The following CTNNBL1 variants were observed in gnomAD, a reference collection of about 807,000 sequenced individuals.
The protein encoded by CTNNBL1 is catenin beta like 1, also known as beta-catenin-like protein 1.
CTNNBL1 carries 31 observed loss-of-function variants against 72.7 expected under a neutral mutation model. The ratio of observed to expected loss-of-function variants is 0.43; its 90% CI spans 0.32 to 0.58. CTNNBL1 has a LOEUF of 0.58. Ranked by LOEUF, CTNNBL1 falls within the 20% of genes least tolerant of loss-of-function variation. CTNNBL1 has a pLI of 0.08. For synonymous variants in CTNNBL1, 240 were observed against 267.3 expected, an observed-to-expected ratio of 0.90 and a Z score of 1.00; for missense variants, 534 against 725.1, an observed-to-expected ratio of 0.74 and a Z score of 3.03.
At chr20:37,821,811 G>C (rs1043593942) in intron 11 of CTNNBL1, among the ~76,000 whole-genome samples, 7 of 152,170 alleles carry the variant, frequency 4.6e-5, no homozygotes, top group African/African-American at 1.7e-4. Context: ...TCATATTGTA[G>C]AGTGTTCAGC....
chr20:37,773,909 C>CTTTTTTTTTTTTTTT (rs1176688817), intron 7 of CTNNBL1, among the ~76,000 whole-genome samples: 1 of 104,646 alleles, frequency 9.6e-6, no homozygotes, highest in African/African-American at 4.3e-5. Context: ...TTCTTTCTCT[C>CTTTTTTTTTTTTTTT]TTTTTTTTTT....
At chr20:37,794,312 A>G (rs560548880) in intron 10 of CTNNBL1, among the ~76,000 whole-genome samples, 8 of 151,598 alleles carry the variant, frequency 5.3e-5, no homozygotes, top group African/African-American at 1.9e-4. Context: ...ATTTGCCTTC[A>G]TCTTTTTCTT....
intron 2 of CTNNBL1, among the ~76,000 whole-genome samples, chr20:37,736,423 T>G (rs1000297606): frequency 6.6e-6 from 1 of 152,218 alleles, no homozygotes; most frequent in African/African-American, 2.4e-5. Context: ...CAGTCTTATC[T>G]TACATGTATA....
In CTNNBL1 at chr20:37,853,189, C is replaced by T. The variant is rs186938242; in HGVS notation, c.1393-6710C>T. ...GATCTCCACACGGGCCAGCTAACTT[C>T]CCTCTGTTCTTTGTCTAGCCATTTT... On this transcript the variant is annotated intron_variant, in intron 13 of 15. Coordinates refer to ENST00000361383, the MANE Select transcript of CTNNBL1 (RefSeq NM_030877.5). Among the ~76,000 whole-genome samples, 9 of 152,310 alleles carry T rather than the reference C, an allele frequency of 5.9e-5. No individual in the cohort carries two copies. In the East Asian group the frequency reaches 1.7e-3, roughly 29 times the overall value.
chr20:37,841,844 T>C (rs191800406), intron 12 of CTNNBL1, among the ~76,000 whole-genome samples: 1 of 152,274 alleles, frequency 6.6e-6, no homozygotes, highest in African/African-American at 2.4e-5. Context: ...GTTTTCTTGC[T>C]CTCTCTTCTG....
chr20:37,867,433 A>G (rs373058556), intron 15 of CTNNBL1, among the ~76,000 whole-genome samples: 37 of 151,992 alleles, frequency 2.4e-4, no homozygotes, highest in African/African-American at 8.5e-4. Flanking sequence ...CTCAACATAA[A>G]CAGAACAGCT....
chr20:37,829,675 T>A (rs889899356), intron 11 of CTNNBL1, among the ~76,000 whole-genome samples: 1 of 152,164 alleles, frequency 6.6e-6, no homozygotes, highest in Non-Finnish European at 1.5e-5. Flanking sequence ...CTTGGCATAT[T>A]CTTGCTGTCA....
At chr20:37,764,525 G>A (rs1407905405) in intron 5 of CTNNBL1, among the ~76,000 whole-genome samples, 2 of 152,218 alleles carry the variant, frequency 1.3e-5, no homozygotes, top group Non-Finnish European at 2.9e-5. Context: ...AACATCAGCT[G>A]TATGATGTGG....
At chr20:37,829,559 T>G (rs927077664) in intron 11 of CTNNBL1, among the ~76,000 whole-genome samples, 7 of 152,166 alleles carry the variant, frequency 4.6e-5, no homozygotes, top group African/African-American at 1.7e-4. Context: ...TCCAACCTCA[T>G]TACTTTTCAT....
intron 10 of CTNNBL1, among the ~76,000 whole-genome samples, chr20:37,788,151 G>A (rs190807841): frequency 5.7e-4 from 87 of 152,214 alleles, no homozygotes; most frequent in Admixed American, 5.7e-3. Context: ...CCACCCCTAA[G>A]TTTTGAAGGT....
intron 10 of CTNNBL1, among the ~76,000 whole-genome samples, chr20:37,788,626 A>G (rs532677184): frequency 1.3e-5 from 2 of 152,376 alleles, no homozygotes; most frequent in East Asian, 1.9e-4. Flanking sequence ...GCCTGTGCCC[A>G]TGCTGGGCTT....
chr20:37,779,434 G>T lies in CTNNBL1; in HGVS notation c.1031+99G>T, dbSNP rs1473398887. 2.9e-6 allele frequency: 4 copies of T among 1,401,544 alleles called. No individual in the cohort carries two copies. In the South Asian group the frequency reaches 5.1e-5, roughly 18 times the overall value. 86.8% of individuals were successfully genotyped at this position (1,401,544 alleles called of 1,614,324 possible). ...GTAGCTATGATCATTTATTCTGTTG[G>T]GTTTCCTAGACTTTACCCTGAAGAG... On this transcript the variant is annotated intron_variant, in intron 10 of 15. Transcript: ENST00000361383.
At chr20:37,706,532 T>TCAGCAATTCAG (rs1269873270) in intron 1 of CTNNBL1, among the ~76,000 whole-genome samples, 2 of 152,236 alleles carry the variant, frequency 1.3e-5, no homozygotes, top group African/African-American at 4.8e-5. Context: ...GATCATGAGA[T>TCAGCAATTCAG]TGCAGCAATT....
chr20:37,768,764 CTTT>C (rs978683040), intron 7 of CTNNBL1, among the ~76,000 whole-genome samples: 1 of 151,840 alleles, frequency 6.6e-6, no homozygotes, highest in Non-Finnish European at 1.5e-5. Flanking sequence ...AATTTAGAAA[CTTT>C]TTTTTGTTTT....
intron 1 of CTNNBL1, among the ~76,000 whole-genome samples, chr20:37,718,087 A>G (rs967446756): frequency 6.6e-6 from 1 of 152,026 alleles, no homozygotes; most frequent in Non-Finnish European, 1.5e-5. Context: ...CAAAACCGCC[A>G]TTGTCATCAT....
intron 5 of CTNNBL1, among the ~76,000 whole-genome samples, chr20:37,762,342 C>G (rs2073425455): frequency 6.6e-6 from 1 of 152,156 alleles, no homozygotes; most frequent in South Asian, 2.1e-4. Context: ...ATTGGCAGAT[C>G]GTACCAGATA....
At chr20:37,698,441 C>T (rs1010936830) in intron 1 of CTNNBL1, among the ~76,000 whole-genome samples, 70 of 152,186 alleles carry the variant, frequency 4.6e-4, no homozygotes, top group African/African-American at 1.6e-3. Flanking sequence ...GAAATATCCT[C>T]AATTCAAGGC....
chr20:37,727,214 A>G (rs961454316), intron 1 of CTNNBL1: 18 of 252,208 alleles, frequency 7.1e-5, no homozygotes, highest in Non-Finnish European at 1.1e-4. Flanking sequence ...TTGTCTGGGT[A>G]CGCAGGGAGT....
At chr20:37,841,226 C>G (rs1370063364) in intron 12 of CTNNBL1, among the ~76,000 whole-genome samples, 1 of 152,212 alleles carries the variant, frequency 6.6e-6, no homozygotes, top group Non-Finnish European at 1.5e-5. Flanking sequence ...AAGACTGTCT[C>G]TTTGAGCTAT....
Sources: gnomAD v4.1 joint callset for allele counts (sites outside exome capture counted in the v4.1 genomes callset) on GRCh38, gnomAD v4.1.1 for gene constraint, MANE v1.5 for transcripts, NCBI Gene and HGNC (gene_info 2026-07-23, HGNC 2026-07-21) for gene names.